The following NEIL2 variants were observed in gnomAD, a reference collection of about 807,000 sequenced individuals.
NEIL2 encodes nei like DNA glycosylase 2, also known as endonuclease 8-like 2.
NEIL2 carries 23 observed loss-of-function variants against 22.2 expected under a neutral mutation model. The ratio of observed to expected loss-of-function variants is 1.04; its 90% CI spans 0.75 to 1.47. The LOEUF is 1.47. Ranked by LOEUF, NEIL2 falls within the 40% of genes most tolerant of loss-of-function variation. The pLI, the probability that NEIL2 is intolerant of heterozygous loss-of-function variation, is 0.00. For synonymous variants in NEIL2, 229 were observed against 164.8 expected, an observed-to-expected ratio of 1.39 and a Z score of -2.99; for missense variants, 583 against 404.7, an observed-to-expected ratio of 1.44 and a Z score of -3.78.
At chr8:11,781,516 C>T (rs1039499222) in intron 3 of NEIL2, among the ~76,000 whole-genome samples, 1 of 152,194 alleles carries the variant, frequency 6.6e-6, no homozygotes, top group Non-Finnish European at 1.5e-5. Context: ...CAGGAGCCTG[C>T]CCTTTGCTGA....
intron 2 of NEIL2, among the ~76,000 whole-genome samples, chr8:11,771,881 T>C (rs886204151): frequency 2.0e-5 from 3 of 152,212 alleles, no homozygotes; most frequent in African/African-American, 7.2e-5. Flanking sequence ...AACTGTGTTC[T>C]ATTCCCCTGA....
chr8:11,775,399 G>A (rs780633220), intron 2 of NEIL2, among the ~76,000 whole-genome samples: 1 of 152,328 alleles, frequency 6.6e-6, no homozygotes, highest in Non-Finnish European at 1.5e-5. Flanking sequence ...TCCCTAGGCT[G>A]CACACAGCAG....
At chr8:11,772,068 T>G (rs751968407) in intron 2 of NEIL2, among the ~76,000 whole-genome samples, 46 of 151,962 alleles carry the variant, frequency 3.0e-4, no homozygotes, top group Non-Finnish European at 5.4e-4. Context: ...CTGGGTGTGG[T>G]GGTGGGCGCC....
chr8:11,783,444 G>C, intron 4 of NEIL2, 45 bp downstream of exon 4: 1 of 1,578,512 alleles, frequency 6.3e-7, no homozygotes, highest in Non-Finnish European at 8.7e-7. Flanking sequence ...TTGCTTCATG[G>C]AAAAGTCGGT....
At chr8:11,775,593 A>T (rs773323880) in intron 2 of NEIL2, among the ~76,000 whole-genome samples, 4 of 152,238 alleles carry the variant, frequency 2.6e-5, no homozygotes, top group Non-Finnish European at 5.9e-5. Context: ...ATTTCTCCCC[A>T]GAAAATGGGT....
At chr8:11,776,564 A>G (rs1268713936) in intron 2 of NEIL2, among the ~76,000 whole-genome samples, 1 of 152,126 alleles carries the variant, frequency 6.6e-6, no homozygotes, top group African/African-American at 2.4e-5. Flanking sequence ...TATTCCTAGG[A>G]GTGGAATTGC....
rs774874068 is a variant in NEIL2 at position 11,779,618 on chromosome 8, C to G, written c.159C>G (p.Phe53Leu). The change falls in exon 3 of 5, where the codon TTC becomes TTG. Residue 53 changes from phenylalanine to leucine, a missense_variant. By Grantham distance (22) the Phe-to-Leu change is conservative. Coordinates refer to ENST00000284503, the MANE Select transcript of NEIL2 (RefSeq NM_145043.4). ...TCTAGGTCCATGGAAAGAAATTATT[C>G]CTTAGATTTGATCTAGATGAAGAAA... is the stretch of plus-strand genomic sequence containing the variant. The part of the protein sequence containing the change: ...QDTQVHGKKL[F>L]LRFDLDEEMG... The G allele has an allele frequency of 6.2e-7, 1 of 1,612,784 alleles. No homozygotes were observed. Among genetic ancestry groups the G allele is most frequent in the Admixed American group, 1.7e-5 (1 of 60,014 alleles).
chr8:11,778,343 G>A (rs1804088424), intron 2 of NEIL2, among the ~76,000 whole-genome samples: 1 of 147,680 alleles, frequency 6.8e-6, no homozygotes, highest in Admixed American at 6.8e-5. Context: ...CTAATATGTG[G>A]CAGATAACAA....
Position 11,786,093 on chromosome 8 carries a change from G to A in NEIL2, c.819G>A (p.Gln273=). The part of the protein sequence containing the change: ...HVVEFSTAWL[Q]GKFQGRPQHT... ...TGGAGTTCAGTACAGCCTGGCTGCAGGGCAAGTTCCAAGGCAGACCGCAGC... is the reference window on the plus strand; with the variant it reads ...TGGAGTTCAGTACAGCCTGGCTGCAAGGCAAGTTCCAAGGCAGACCGCAGC... The change falls in exon 5 of 5, where the codon CAG becomes CAA. Residue 273 remains glutamine (Q), a synonymous_variant. Transcript: ENST00000284503. 6.2e-7 allele frequency: 1 copy of A among 1,614,184 alleles called. No individual in the cohort carries two copies. Among genetic ancestry groups the A allele is most frequent in the South Asian group, 1.1e-5 (1 of 91,084 alleles).
intron 3 of NEIL2, among the ~76,000 whole-genome samples, chr8:11,781,206 A>G (rs1030149091): frequency 6.5e-4 from 99 of 152,218 alleles, no homozygotes; most frequent in African/African-American, 2.1e-3. Flanking sequence ...ATAGGATGCT[A>G]TGGGCTGTAA....
chr8:11,781,314 C>T (rs8191617), intron 3 of NEIL2, among the ~76,000 whole-genome samples: 8,168 of 152,246 alleles, frequency 0.054, 305 homozygotes, highest in Middle Eastern at 0.082. Context: ...TTCCAAGGTT[C>T]TGGCTTCCTG....
Position 11,770,243 on chromosome 8 carries a change from G to A in NEIL2, c.-95G>A, listed in dbSNP as rs957530724. ...AAATCCCTAAACGAAACATGCCCAC[G>A]TGTCCGGAGATTTTCAGGACTTGGT... On this transcript the variant is annotated 5_prime_UTR_variant, in exon 1 of 5. It adds an upstream start codon to the 5' untranslated region. Coordinates refer to ENST00000284503, the MANE Select transcript of NEIL2 (RefSeq NM_145043.4). 7.2e-5 allele frequency: 11 copies of A among 152,188 alleles called. No individual in the cohort carries two copies. The highest frequency in any genetic ancestry group is 1.3e-4 in the Non-Finnish European group (9 of 68,054). 9.4% of individuals were successfully genotyped at this position (152,188 alleles called of 1,614,324 possible). A position where few individuals can be genotyped will look rare whatever the true frequency, so the allele number is the denominator to read the frequency against.
rs1347324504 is a variant in NEIL2, at chr8:11,783,285, C to G, written c.574C>G (p.Pro192Ala). 4 of 1,613,934 alleles carry G rather than the reference C, an allele frequency of 2.5e-6. No homozygotes were observed. Among genetic ancestry groups the G allele is most frequent in the Non-Finnish European group, 3.4e-6 (4 of 1,179,762 alleles). The change falls in exon 4 of 5, where the codon CCC becomes GCC. Residue 192 changes from proline (P) to alanine (A), a missense_variant. Pro to Ala is a conservative substitution (Grantham distance 27). Coordinates refer to ENST00000284503, the MANE Select transcript of NEIL2 (RefSeq NM_145043.4). ...TTGGAGCTCTTCCCCAGTGGTCACA[C>G]CCACCTGTGACATCCTGTCTGAGAA... The part of the protein sequence containing the change: ...LSWSSSPVVT[P>A]TCDILSEKFH...
At chr8:11,770,768 G>C (rs532042651) in intron 1 of NEIL2, among the ~76,000 whole-genome samples, 3 of 152,072 alleles carry the variant, frequency 2.0e-5, no homozygotes, top group African/African-American at 2.4e-5. Flanking sequence ...GGATGATTTG[G>C]GGGCAGGGAG....
At chr8:11,783,083 G>A in intron 3 of NEIL2, 120 bp from the exon 4 acceptor site, 1 of 821,384 alleles carries the variant, frequency 1.2e-6, no homozygotes, top group South Asian at 1.4e-5. Flanking sequence ...GCCACAGAGT[G>A]TGCTCTATGT....
intron 3 of NEIL2, among the ~76,000 whole-genome samples, chr8:11,780,794 G>A (rs1254872201): frequency 6.6e-6 from 1 of 152,168 alleles, no homozygotes; most frequent in Admixed American, 6.5e-5. Flanking sequence ...CTGGTCAGAG[G>A]GAATGCATAT....
chr8:11,778,290 G>GTTTTTTTTTTTTT lies in NEIL2; in HGVS notation c.139-1300_139-1288dup, dbSNP rs34908835. 6.9e-5 allele frequency among the ~76,000 whole-genome samples: 9 copies of GTTTTTTTTTTTTT among 130,302 alleles called. 1 individual carries two copies. Among genetic ancestry groups the GTTTTTTTTTTTTT allele is most frequent in the Non-Finnish European group, 9.9e-5 (6 of 60,856 alleles). The allele number at this position is 130,302 out of a possible 152,430, so 85.5% of individuals were successfully genotyped here. ...TTATGCCCACTTAAATCCTTGCTCA[G>GTTTTTTTTTTTTT]TTTTTTTTTTTTTTTTTTTTATGTA... is the stretch of plus-strand genomic sequence containing the variant. On this transcript the variant is annotated intron_variant, in intron 2 of 4. Transcript: ENST00000284503.
At chr8:11,779,564 C>T (rs1425748946) in intron 2 of NEIL2, 34 bp from the exon 3 acceptor site, 1 of 1,503,904 alleles carries the variant, frequency 6.6e-7, no homozygotes, top group Non-Finnish European at 9.2e-7. Context: ...CTCTCTGGGT[C>T]TGTAAGGCTT....
chr8:11,786,627 G>A lies in NEIL2; in HGVS notation c.*354G>A, dbSNP rs1289691708. 1 of 166,982 alleles carries A rather than the reference G, an allele frequency of 6.0e-6. No individual in the cohort carries two copies. The highest frequency in any genetic ancestry group is 1.2e-5 in the Non-Finnish European group (1 of 86,820). The allele number at this position is 166,982 out of a possible 1,614,324, so 10.3% of individuals were successfully genotyped here. A position where few individuals can be genotyped will look rare whatever the true frequency, so the allele number is the denominator to read the frequency against. On this transcript the variant is annotated 3_prime_UTR_variant, in exon 5 of 5. Coordinates refer to ENST00000284503, the MANE Select transcript of NEIL2 (RefSeq NM_145043.4). Reference sequence around the variant, plus strand: ...CCAACATAGCTTTGCAGATGATGTGGGTTTTTTTTTTTTTTTTGGTTGTTT... The same window carrying A: ...CCAACATAGCTTTGCAGATGATGTGAGTTTTTTTTTTTTTTTTGGTTGTTT...
Sources: gnomAD v4.1 joint callset for allele counts (sites outside exome capture counted in the v4.1 genomes callset) on GRCh38, gnomAD v4.1.1 for gene constraint, MANE v1.5 for transcripts, NCBI Gene and HGNC (gene_info 2026-07-23, HGNC 2026-07-21) for gene names.